Variants in PRKACA observed in about 807,000 individuals in gnomAD.
PRKACA encodes protein kinase cAMP-activated catalytic subunit alpha, also known as cAMP-dependent protein kinase catalytic subunit alpha.
A neutral mutation model predicts 45.8 loss-of-function variants in PRKACA; 9 were observed. The ratio of observed to expected loss-of-function variants is 0.20; its 90% CI spans 0.12 to 0.34. The LOEUF (loss-of-function observed/expected upper bound fraction) is 0.34, where lower values mean the gene tolerates loss of function less well. Ranked by LOEUF, PRKACA falls within the 10% of genes least tolerant of loss-of-function variation. The pLI is 1.00. For missense variants in PRKACA, 238 were observed against 458.6 expected (o/e 0.52, Z 4.39); for synonymous variants, 160 against 178.6 (o/e 0.90, Z 0.83).
chr19:14,106,207 CA>C (rs914155087), intron 3 of PRKACA, among the ~76,000 whole-genome samples: 3 of 151,340 alleles, frequency 2.0e-5, no homozygotes, highest in East Asian at 1.9e-4. Context: ...AAACAAACAA[CA>C]AAAAAAAATT....
chr19:14,099,873 C>A (rs990568679), intron 5 of PRKACA, among the ~76,000 whole-genome samples: 3 of 152,092 alleles, frequency 2.0e-5, no homozygotes, highest in Admixed American at 2.0e-4. Flanking sequence ...GACGGAGTCT[C>A]GCTCTGTCAC....
In PRKACA at chr19:14,106,754, C is replaced by T. The variant is rs759693588; in HGVS notation, c.237+6G>A. On this transcript the variant is annotated splice_donor_region_variant and intron_variant, in intron 3 of 9. Transcript: ENST00000308677. ...GCAGGCCCTGAGCGAGGACAGGCCA[C>T]CTCACCTTCTGTTTGTCGAGGATCT... 7 of 1,614,004 alleles carry T rather than the reference C, an allele frequency of 4.3e-6. No homozygotes were observed. The highest frequency in any genetic ancestry group is 5.1e-6 in the Non-Finnish European group (6 of 1,179,972).
At chr19:14,098,721 C>T (rs1202177583) in intron 5 of PRKACA, among the ~76,000 whole-genome samples, 1 of 150,224 alleles carries the variant, frequency 6.7e-6, no homozygotes, top group Non-Finnish European at 1.5e-5. Flanking sequence ...GTCTCGAACT[C>T]CTGACCTTGT....
intron 4 of PRKACA, among the ~76,000 whole-genome samples, chr19:14,102,053 A>G (rs781251931): frequency 2.0e-5 from 3 of 151,782 alleles, no homozygotes; most frequent in Non-Finnish European, 2.9e-5. Flanking sequence ...AATCCCCGCT[A>G]CTCAGGAGGC....
chr19:14,099,019 G>A (rs1977358122), intron 5 of PRKACA, among the ~76,000 whole-genome samples: 3 of 152,034 alleles, frequency 2.0e-5, no homozygotes, highest in Admixed American at 2.0e-4. Context: ...CAGCGCGGTG[G>A]CCCATGCCTG....
chr19:14,102,672 C>T (rs1424283974), intron 4 of PRKACA, 144 bp downstream of exon 4: 1 of 716,048 alleles, frequency 1.4e-6, no homozygotes, highest in Non-Finnish European at 2.4e-6. Flanking sequence ...TGACTCCTGT[C>T]CCCTGATCTC....
At position 14,092,435 on chromosome 19, in the gene PRKACA, C is replaced by T. The variant is rs1044959543; in HGVS notation, c.*677G>A. On this transcript the variant is annotated 3_prime_UTR_variant, in exon 10 of 10. Transcript: ENST00000308677. ...AGATTAGCAGCGGGGAGGTTCAAAC[C>T]CCAGCGCCTCCCTTTCCAAAGTCAG... is the stretch of plus-strand genomic sequence containing the variant. 1 of 391,500 alleles carries T rather than the reference C, an allele frequency of 2.6e-6. No homozygotes were observed. Among genetic ancestry groups the T allele is most frequent in the Non-Finnish European group, 4.5e-6 (1 of 221,894 alleles). 24.3% of individuals were successfully genotyped at this position (391,500 alleles called of 1,614,324 possible). A position where few individuals can be genotyped will look rare whatever the true frequency, so the allele number is the denominator to read the frequency against.
In PRKACA at chr19:14,114,435, G is replaced by A. The variant is rs148423492; in HGVS notation, c.46+3067C>T. 5.0e-3 allele frequency among the ~76,000 whole-genome samples: 767 copies of A among 152,236 alleles called. 5 individuals carry two copies. The highest frequency in any genetic ancestry group is 0.017 in the African/African-American group (719 of 41,540). The stretch of plus-strand genomic sequence containing the variant: ...ATACAACTGCCAAGGCACAGAAGGT[G>A]TTTGGCCGTCTTAGGCATCCATAGG... On this transcript the variant is annotated intron_variant, in intron 1 of 9. Transcript: ENST00000308677.
chr19:14,111,288 TCAGGAGGCTGAGG>T (rs1426029314), intron 1 of PRKACA, among the ~76,000 whole-genome samples: 1 of 151,896 alleles, frequency 6.6e-6, no homozygotes, highest in East Asian at 1.9e-4. Context: ...TCCCAGCTAC[TCAGGAGGCTGAGG>T]CAGGAGAATT....
chr19:14,102,272 C>T (rs1489708914), intron 4 of PRKACA, among the ~76,000 whole-genome samples: 1 of 151,414 alleles, frequency 6.6e-6, no homozygotes, highest in Admixed American at 6.6e-5. Context: ...GGTCAAACGT[C>T]CATGAAGCTG....
intron 5 of PRKACA, among the ~76,000 whole-genome samples, chr19:14,099,106 A>G (rs927202151): frequency 2.0e-5 from 3 of 152,088 alleles, no homozygotes; most frequent in African/African-American, 7.2e-5. Flanking sequence ...AGCCTGGCCA[A>G]CATGGTGAAA....
intron 1 of PRKACA, chr19:14,115,032 C>CT (rs1167218079): frequency 1.0e-6 from 1 of 978,916 alleles, no homozygotes; most frequent in Non-Finnish European, 1.2e-6. Context: ...CAAATTTTGT[C>CT]TAACTCCATC....
At chr19:14,108,278 T>A in intron 1 of PRKACA, 1 of 434,404 alleles carries the variant, frequency 2.3e-6, no homozygotes, top group Non-Finnish European at 3.1e-6. Flanking sequence ...TCCTCATCTG[T>A]AAAGTGGGGT....
At position 14,106,748 on chromosome 19, in the gene PRKACA, A is replaced by G. The variant is rs1302639077; in HGVS notation, c.237+12T>C. ...TGACAGGCAGGCCCTGAGCGAGGACAGGCCACCTCACCTTCTGTTTGTCGA... is the reference window on the plus strand; with the variant it reads ...TGACAGGCAGGCCCTGAGCGAGGACGGGCCACCTCACCTTCTGTTTGTCGA... On this transcript the variant is annotated intron_variant, in intron 3 of 9. Coordinates refer to ENST00000308677, the MANE Select transcript of PRKACA (RefSeq NM_002730.4). The G allele has an allele frequency of 1.2e-6, 2 of 1,613,904 alleles. No individual in the cohort carries two copies. Among genetic ancestry groups the G allele is most frequent in the East Asian group, 2.2e-5 (1 of 44,876 alleles).
intron 1 of PRKACA, 95 bp from the exon 2 acceptor site, chr19:14,107,504 T>G: frequency 6.9e-7 from 1 of 1,451,088 alleles, no homozygotes. Flanking sequence ...GAAAGTGGGG[T>G]GCAGTTCCAA....
In PRKACA at chr19:14,104,633, T is replaced by C. The variant is rs192299237; in HGVS notation, c.238-1719A>G. On this transcript the variant is annotated intron_variant, in intron 3 of 9. Transcript: ENST00000308677. ...ATGGCGTGAACCCGGGAGGCAGAGGTTGCAGTGAGCCAAGATCGTGCCACT... is the reference window on the plus strand; with the variant it reads ...ATGGCGTGAACCCGGGAGGCAGAGGCTGCAGTGAGCCAAGATCGTGCCACT... Among the ~76,000 whole-genome samples, 29 of 149,898 alleles carry C rather than the reference T, an allele frequency of 1.9e-4. No homozygotes were observed. The East Asian group carries it at 4.3e-3, about 22-fold the overall frequency.
At chr19:14,095,059 C>A (rs538713216) in intron 8 of PRKACA, among the ~76,000 whole-genome samples, 1 of 152,158 alleles carries the variant, frequency 6.6e-6, no homozygotes. Context: ...ACTGACGGTG[C>A]GGGGGAACTA....
At chr19:14,115,273 T>C (rs566596265) in intron 1 of PRKACA, 1 of 227,732 alleles carries the variant, frequency 4.4e-6, no homozygotes, top group South Asian at 1.6e-4. Flanking sequence ...ATTTCATTTA[T>C]ATTATTGTTT....
At chr19:14,101,199 T>C (rs962951122) in intron 4 of PRKACA, 4 of 352,764 alleles carry the variant, frequency 1.1e-5, no homozygotes, top group Non-Finnish European at 2.2e-5. Context: ...AGTTTTGTCA[T>C]CTGTAAAATG....
Sources: gnomAD v4.1 joint callset for allele counts (sites outside exome capture counted in the v4.1 genomes callset) on GRCh38, gnomAD v4.1.1 for gene constraint, MANE v1.5 for transcripts, NCBI Gene and HGNC (gene_info 2026-07-23, HGNC 2026-07-21) for gene names.